The following ZNG1A variants were observed in gnomAD, a reference collection of about 807,000 sequenced individuals.
The protein encoded by ZNG1A is Zn regulated GTPase metalloprotein activator 1A, also known as zinc-regulated GTPase metalloprotein activator 1A.
the ZNG1A span, chr9:171,962 A>G: frequency 7.2e-6 from 11 of 1,529,994 alleles, no homozygotes; most frequent in South Asian, 8.2e-5. Context: ...TAAACCAAAA[A>G]AAGTTTTTGG....
At chr9:150,293 A>T in the ZNG1A span, 1 of 226,514 alleles carries the variant, frequency 4.4e-6, no homozygotes, top group Non-Finnish European at 7.1e-6. Context: ...GGCTCAGCTA[A>T]TTTTTTGTAT....
the ZNG1A span, among the ~76,000 whole-genome samples, chr9:140,274 T>C: frequency 1.3e-5 from 2 of 151,856 alleles, no homozygotes; most frequent in East Asian, 3.9e-4. Context: ...TCTGACAGCT[T>C]TGAAGAGAGC....
chr9:129,192 G>C, the ZNG1A span, among the ~76,000 whole-genome samples: 1 of 152,134 alleles, frequency 6.6e-6, no homozygotes, highest in Non-Finnish European at 1.5e-5. Flanking sequence ...GAGAGTGTCA[G>C]TTGTGGTAGT....
the ZNG1A span, chr9:172,443 C>CT: frequency 3.2e-6 from 1 of 310,554 alleles, no homozygotes; most frequent in South Asian, 6.0e-5. Context: ...GACCAAGTAT[C>CT]TTTTTATAGC....
At chr9:161,320 T>G in the ZNG1A span, among the ~76,000 whole-genome samples, 1 of 151,492 alleles carries the variant, frequency 6.6e-6, no homozygotes, top group African/African-American at 2.4e-5. Context: ...AATACAAAAT[T>G]AGCTGGGCAT....
chr9:159,605 G>C, the ZNG1A span, among the ~76,000 whole-genome samples: 2 of 151,782 alleles, frequency 1.3e-5, no homozygotes, highest in African/African-American at 4.8e-5. Flanking sequence ...GGAACTCTCT[G>C]AAATAACACC....
the ZNG1A span, among the ~76,000 whole-genome samples, chr9:133,960 G>T: frequency 1.6e-5 from 2 of 125,706 alleles, no homozygotes; most frequent in African/African-American, 3.0e-5. Context: ...CTCATGGAAA[G>T]TGAGCGCTGC....
chr9:149,721 T>C, the ZNG1A span, among the ~76,000 whole-genome samples: 2,876 of 140,820 alleles, frequency 0.02, 64 homozygotes, highest in African/African-American at 0.047. Context: ...AAATGCATAG[T>C]AGGCAGTTTG....
the ZNG1A span, among the ~76,000 whole-genome samples, chr9:142,266 T>C: frequency 2.4e-5 from 3 of 126,436 alleles, no homozygotes; most frequent in Non-Finnish European, 4.8e-5. Flanking sequence ...ACCACACCTA[T>C]TCCAAAATTG....
the ZNG1A span, chr9:150,665 T>C: frequency 7.1e-6 from 7 of 982,528 alleles, no homozygotes; most frequent in Non-Finnish European, 8.4e-6. Flanking sequence ...CAGAAGATTT[T>C]AGTCACTTGC....
the ZNG1A span, among the ~76,000 whole-genome samples, chr9:125,113 G>C: frequency 6.6e-6 from 1 of 152,190 alleles, no homozygotes; most frequent in Admixed American, 6.5e-5. Flanking sequence ...TCTACTTTTA[G>C]TTCTTTAAGG....
chr9:140,391 T>C, the ZNG1A span, among the ~76,000 whole-genome samples: 370 of 137,512 alleles, frequency 2.7e-3, 8 homozygotes, highest in African/African-American at 8.1e-3. Flanking sequence ...AGGCACCCCC[T>C]AGCAGAGGCA....
the ZNG1A span, among the ~76,000 whole-genome samples, chr9:135,269 G>C: frequency 4.7e-5 from 7 of 149,484 alleles, no homozygotes; most frequent in South Asian, 1.5e-3. Context: ...ACAGAATAAA[G>C]AGAAAAACTA....
the ZNG1A span, among the ~76,000 whole-genome samples, chr9:127,181 T>C: frequency 9.9e-5 from 15 of 152,256 alleles, no homozygotes; most frequent in East Asian, 1.2e-3. Flanking sequence ...ATTCTGTATA[T>C]ATCTTTTAAC....
the ZNG1A span, among the ~76,000 whole-genome samples, chr9:126,627 A>C: frequency 6.6e-6 from 1 of 151,510 alleles, no homozygotes; most frequent in Non-Finnish European, 1.5e-5. Context: ...ACGGTCTATC[A>C]ATTTTATTTA....
At chr9:140,410 C>A in the ZNG1A span, among the ~76,000 whole-genome samples, 18 of 151,014 alleles carry the variant, frequency 1.2e-4, no homozygotes, top group Non-Finnish European at 2.1e-4. Flanking sequence ...CAGGCTGACA[C>A]CTCACACGGC....
the ZNG1A span, chr9:172,427 T>G: frequency 8.1e-6 from 3 of 369,544 alleles, no homozygotes; most frequent in Non-Finnish European, 1.5e-5. Context: ...AGAGGAAACT[T>G]TATCTGACCA....
chr9:130,458 G>C, the ZNG1A span, among the ~76,000 whole-genome samples: 4,691 of 123,488 alleles, frequency 0.038, 222 homozygotes, highest in Middle Eastern at 0.083. Context: ...TTGAGATGGG[G>C]TCTCACTCTG....
At chr9:126,758 C>G in the ZNG1A span, among the ~76,000 whole-genome samples, 3 of 151,824 alleles carry the variant, frequency 2.0e-5, no homozygotes, top group African/African-American at 2.4e-5. Context: ...TCTTGTTTCT[C>G]TAGTTCCTTG....
Sources: allele counts gnomAD v4.1 joint callset (sites outside exome capture counted in the v4.1 genomes callset), GRCh38; gene constraint gnomAD v4.1.1; transcripts MANE v1.5; gene names NCBI Gene and HGNC (gene_info 2026-07-23, HGNC 2026-07-21).